SRSF4: variants seen among roughly 807,000 people sequenced by gnomAD.
SRSF4 encodes serine/arginine-rich splicing factor 4.
In SRSF4, 12 loss-of-function variants were observed where a neutral mutation model predicts 48.8. The observed-to-expected ratio is 0.25, with a 90% confidence interval of 0.16 to 0.40. The LOEUF (loss-of-function observed/expected upper bound fraction) is 0.40. SRSF4 is among the 10% of genes least tolerant of loss of function. The pLI is 1.00. For missense variants in SRSF4, 466 were observed against 667.1 expected (o/e 0.70, Z 3.32); for synonymous variants, 248 against 232.5 (o/e 1.07, Z -0.61).
intron 1 of SRSF4, among the ~76,000 whole-genome samples, chr1:29,180,278 T>C (rs1186604382): frequency 6.6e-6 from 1 of 152,102 alleles, no homozygotes; most frequent in Non-Finnish European, 1.5e-5. Context: ...CTTTCACATA[T>C]ATGGTATGTA....
intron 1 of SRSF4, chr1:29,172,999 G>A (rs1454023308): frequency 7.2e-5 from 11 of 152,028 alleles, no homozygotes; most frequent in South Asian, 6.2e-4. Flanking sequence ...TAAAAAAAGC[G>A]TGACACAAAA....
rs546163694 is a variant in SRSF4, at chr1:29,168,247, T to TC, written c.108-7731dup. On this transcript the variant is annotated intron_variant, in intron 1 of 5. Coordinates refer to ENST00000373795, the MANE Select transcript of SRSF4 (RefSeq NM_005626.5). ...GGTTTCACCATGTTGCCCAGGGTGGTCTCGAACTCCTGAGCTCAGGCAATC... is the reference window on the plus strand; with the variant it reads ...GGTTTCACCATGTTGCCCAGGGTGGTCCTCGAACTCCTGAGCTCAGGCAATC... 3.7e-3 allele frequency among the ~76,000 whole-genome samples: 558 copies of TC among 149,098 alleles called. 2 individuals are homozygous for TC. The highest frequency in any genetic ancestry group is 6.8e-3 in the South Asian group (32 of 4,678).
rs1410010088 is a variant in SRSF4 at position 29,181,822 on chromosome 1, A to ACGGCGGCAGCGGCGG, written c.-85_-71dup. On this transcript the variant is annotated 5_prime_UTR_variant, in exon 1 of 6. Coordinates refer to ENST00000373795, the MANE Select transcript of SRSF4 (RefSeq NM_005626.5). ...AGGCGGCGGCGGGCAAAGCGAGAGC[A>ACGGCGGCAGCGGCGG]CGGCGGCAGCGGCGGCGGCGGCAAC... is the stretch of plus-strand genomic sequence containing the variant. 6.8e-6 allele frequency: 9 copies of ACGGCGGCAGCGGCGG among 1,328,760 alleles called. No individual in the cohort carries two copies. The highest frequency in any genetic ancestry group is 8.8e-6 in the Non-Finnish European group (9 of 1,020,752). 82.3% of individuals were successfully genotyped at this position (1,328,760 alleles called of 1,614,324 possible).
intron 1 of SRSF4, chr1:29,169,415 T>C (rs917072704): frequency 6.6e-6 from 1 of 152,206 alleles, no homozygotes; most frequent in Non-Finnish European, 1.5e-5. Flanking sequence ...GGAAGACAAA[T>C]GCCCACAGGA....
intron 1 of SRSF4, among the ~76,000 whole-genome samples, chr1:29,163,099 G>A (rs917411419): frequency 5.3e-5 from 8 of 152,308 alleles, no homozygotes; most frequent in Non-Finnish European, 1.0e-4. Flanking sequence ...TTCTTTGCAA[G>A]CTGAGAATGA....
intron 1 of SRSF4, chr1:29,170,114 ATC>A (rs1401068433): frequency 6.6e-6 from 1 of 152,220 alleles, no homozygotes; most frequent in Non-Finnish European, 1.5e-5. Flanking sequence ...AGATACAATC[ATC>A]TGTGTCCATT....
At chr1:29,152,281 C>CA (rs1382244304) in intron 4 of SRSF4, among the ~76,000 whole-genome samples, 1 of 152,194 alleles carries the variant, frequency 6.6e-6, no homozygotes, top group Non-Finnish European at 1.5e-5. Context: ...TGCCTTACAA[C>CA]AATGCAGCAG....
Sources: gnomAD v4.1 joint callset for allele counts (sites outside exome capture counted in the v4.1 genomes callset) on GRCh38, gnomAD v4.1.1 for gene constraint, MANE v1.5 for transcripts, NCBI Gene and HGNC (gene_info 2026-07-23, HGNC 2026-07-21) for gene names.